SYN2: variants seen among roughly 807,000 people sequenced by gnomAD.
SYN2 encodes synapsin II.
Under a neutral mutation model 50.9 loss-of-function variants are expected in SYN2, and 19 were observed. The observed-to-expected ratio is 0.37, with a 90% confidence interval of 0.26 to 0.55. The LOEUF is 0.55. SYN2 is among the 20% of genes least tolerant of loss of function. SYN2 has a pLI of 0.81. For synonymous variants in SYN2, 255 were observed against 224.9 expected, an observed-to-expected ratio of 1.13 and a Z score of -1.20; for missense variants, 587 against 576.4, an observed-to-expected ratio of 1.02 and a Z score of -0.19.
intron 1 of SYN2, among the ~76,000 whole-genome samples, chr3:12,022,096 G>C (rs1235162808): frequency 6.7e-6 from 1 of 149,454 alleles, no homozygotes; most frequent in Non-Finnish European, 1.5e-5. Context: ...AAAAAAAAGA[G>C]GTTCTTTCAG....
At chr3:12,155,115 C>T (rs1412351641) in intron 5 of SYN2, among the ~76,000 whole-genome samples, 1 of 152,188 alleles carries the variant, frequency 6.6e-6, no homozygotes, top group Non-Finnish European at 1.5e-5. Context: ...CACCTCAAAG[C>T]CATCTCTGAC....
At chr3:12,105,769 CAT>C (rs1411619988) in intron 1 of SYN2, among the ~76,000 whole-genome samples, 1 of 151,998 alleles carries the variant, frequency 6.6e-6, no homozygotes, top group Non-Finnish European at 1.5e-5. Flanking sequence ...CAGGAGAACA[CAT>C]AGACTCTGTT....
chr3:12,005,992 TTTTG>T (rs1693794590), intron 1 of SYN2, among the ~76,000 whole-genome samples: 1 of 128,884 alleles, frequency 7.8e-6, no homozygotes. Context: ...TGAGCAAGGG[TTTTG>T]TTTTTTTTTT....
At chr3:12,148,726 C>G (rs539547591) in intron 4 of SYN2, 1 of 152,234 alleles carries the variant, frequency 6.6e-6, no homozygotes, top group African/African-American at 2.4e-5. Context: ...ATAAGTGCAC[C>G]AGAGTTAAAT....
At chr3:12,189,379 C>T (rs1243635321) in intron 12 of SYN2, among the ~76,000 whole-genome samples, 2 of 152,176 alleles carry the variant, frequency 1.3e-5, no homozygotes, top group Non-Finnish European at 2.9e-5. Context: ...TGGATTTTCT[C>T]ATTAGAAAAC....
intron 1 of SYN2, among the ~76,000 whole-genome samples, chr3:12,035,807 A>G (rs1694486304): frequency 6.6e-6 from 1 of 152,212 alleles, no homozygotes; most frequent in Non-Finnish European, 1.5e-5. Flanking sequence ...AGAAATTTAG[A>G]ACAAAGAATG....
At chr3:12,174,636 C>T (rs1460173325) in intron 10 of SYN2, among the ~76,000 whole-genome samples, 2 of 152,200 alleles carry the variant, frequency 1.3e-5, no homozygotes, top group African/African-American at 2.4e-5. Context: ...CACGCGCCAC[C>T]ACGCCCGGCT....
chr3:12,053,140 C>T (rs868335649), intron 1 of SYN2, among the ~76,000 whole-genome samples: 1 of 151,908 alleles, frequency 6.6e-6, no homozygotes, highest in Non-Finnish European at 1.5e-5. Context: ...CTGATTGATC[C>T]GGCCAGGCAC....
At chr3:12,006,048 C>T (rs981190063) in intron 1 of SYN2, among the ~76,000 whole-genome samples, 3 of 150,492 alleles carry the variant, frequency 2.0e-5, no homozygotes, top group African/African-American at 4.9e-5. Context: ...CCTGAGTGTT[C>T]TTCCCAGGAG....
chr3:12,130,361 C>T (rs1324766558), intron 1 of SYN2, among the ~76,000 whole-genome samples: 1 of 151,974 alleles, frequency 6.6e-6, no homozygotes, highest in Non-Finnish European at 1.5e-5. Flanking sequence ...TAGTTCCAGT[C>T]CAAGTCTGAA....
chr3:12,155,340 T>TA (rs146428689), intron 5 of SYN2, among the ~76,000 whole-genome samples: 272 of 152,348 alleles, frequency 1.8e-3, no homozygotes, highest in African/African-American at 6.1e-3. Flanking sequence ...CAAAGGAACA[T>TA]ACAATTATTT....
At chr3:12,028,324 C>T (rs1390967846) in intron 1 of SYN2, among the ~76,000 whole-genome samples, 46 of 150,936 alleles carry the variant, frequency 3.0e-4, no homozygotes, top group Admixed American at 7.3e-4. Flanking sequence ...TGAATAATGC[C>T]GCAATAAACA....
intron 1 of SYN2, among the ~76,000 whole-genome samples, chr3:12,089,335 C>T (rs529828126): frequency 1.3e-4 from 20 of 152,162 alleles, no homozygotes; most frequent in Non-Finnish European, 2.4e-4. Context: ...ACCATCAGAT[C>T]TCATGAGACT....
rs144823436 is a variant in SYN2, at chr3:12,132,777, A to G, written c.378-7874A>G. On this transcript the variant is annotated intron_variant, in intron 1 of 12. Transcript: ENST00000621198. ...GAGTAGCCCTTTATGTTGGGTTTCC[A>G]TAAGCTTTCTAGTGATAACTAACAT... Among the ~76,000 whole-genome samples the G allele has an allele frequency of 1.1e-3, 168 of 152,332 alleles. 1 individual carries two copies. Among genetic ancestry groups the G allele is most frequent in the African/African-American group, 3.9e-3 (161 of 41,568 alleles).
At chr3:12,167,909 A>C (rs6775868) in intron 8 of SYN2, among the ~76,000 whole-genome samples, 3,821 of 152,260 alleles carry the variant, frequency 0.025, 175 homozygotes, top group African/African-American at 0.087. Flanking sequence ...ACTGAAGCAA[A>C]GGTCACCCTT....
intron 1 of SYN2, 50 bp downstream of exon 1, chr3:12,004,978 G>A (rs1240202184): frequency 2.1e-6 from 1 of 466,502 alleles, no homozygotes; most frequent in Non-Finnish European, 3.7e-6. Flanking sequence ...GCCGGCAGCC[G>A]CAGGCCAGGA....
At chr3:12,187,768 T>TTGTGTG (rs35996249) in intron 12 of SYN2, among the ~76,000 whole-genome samples, 156 bp downstream of exon 12, 6 of 149,902 alleles carry the variant, frequency 4.0e-5, no homozygotes, top group African/African-American at 9.8e-5. Context: ...TTTTTGGTTT[T>TTGTGTG]TGTGTGTGTG....
At chr3:12,168,551 A>C (rs1697861696) in intron 9 of SYN2, 73 bp downstream of exon 9, 4 of 1,245,262 alleles carry the variant, frequency 3.2e-6, no homozygotes, top group Non-Finnish European at 4.6e-6. Context: ...GACTGCCTTT[A>C]ATTTGGAGTC....
chr3:12,022,254 T>G (rs905166509), intron 1 of SYN2, among the ~76,000 whole-genome samples: 114 of 152,198 alleles, frequency 7.5e-4, no homozygotes, highest in African/African-American at 2.5e-3. Flanking sequence ...TTGAAGAAAT[T>G]TCAAGTTCTT....
Sources: allele counts gnomAD v4.1 joint callset (sites outside exome capture counted in the v4.1 genomes callset), GRCh38; gene constraint gnomAD v4.1.1; transcripts MANE v1.5; gene names NCBI Gene and HGNC (gene_info 2026-07-23, HGNC 2026-07-21).